RABGAP1: variants seen among roughly 807,000 people sequenced by gnomAD.
The protein encoded by RABGAP1 is RAB GTPase activating protein 1.
In RABGAP1, 23 loss-of-function variants were observed where a neutral mutation model predicts 137.6. The observed-to-expected ratio is 0.17, with a 90% confidence interval of 0.12 to 0.24. RABGAP1 has a LOEUF of 0.24. Among genes scored for constraint, RABGAP1 ranks in the 10% least tolerant of loss-of-function variants. The probability of loss-of-function intolerance (pLI) is 1.00; values close to 1 mark genes in which losing one functional copy is unlikely to be tolerated. For synonymous variants in RABGAP1, 451 were observed against 450.7 expected (o/e 1.00, Z -0.01); for missense variants, 906 against 1,275.8 (o/e 0.71, Z 4.42).
intron 10 of RABGAP1, among the ~76,000 whole-genome samples, chr9:122,999,471 G>A (rs1406499734): frequency 1.3e-5 from 2 of 151,918 alleles, no homozygotes; most frequent in Non-Finnish European, 2.9e-5. Flanking sequence ...GATTACAGAC[G>A]TGAGCCACCT....
chr9:122,992,583 T>G (rs1362054685), intron 6 of RABGAP1, among the ~76,000 whole-genome samples: 1 of 151,766 alleles, frequency 6.6e-6, no homozygotes. Context: ...GTTCTCCTTT[T>G]GCTACATGGC....
At chr9:123,042,722 C>G (rs149150536) in intron 13 of RABGAP1, among the ~76,000 whole-genome samples, 2 of 152,056 alleles carry the variant, frequency 1.3e-5, no homozygotes, top group Non-Finnish European at 2.9e-5. Flanking sequence ...AGCTGACTAA[C>G]AGAATCTTCA....
At position 123,046,674 on chromosome 9, in the gene RABGAP1, G is replaced by A. The variant is rs566768385; in HGVS notation, c.1795-18674G>A. On this transcript the variant is annotated intron_variant, in intron 13 of 25. Coordinates refer to ENST00000373647, the MANE Select transcript of RABGAP1 (RefSeq NM_012197.4). ...AGTAAGCACTCAGTACATGTTAGCTGGTACAGCTGTCTTGTGAATAGGGTA... is the reference window on the plus strand; with the variant it reads ...AGTAAGCACTCAGTACATGTTAGCTAGTACAGCTGTCTTGTGAATAGGGTA... Among the ~76,000 whole-genome samples, 5 of 152,330 alleles carry A rather than the reference G, an allele frequency of 3.3e-5. No homozygotes were observed. The South Asian group carries it at 1.0e-3, about 32-fold the overall frequency.
At chr9:123,062,771 C>T (rs1460581346) in intron 13 of RABGAP1, 1 of 151,930 alleles carries the variant, frequency 6.6e-6, no homozygotes, top group Admixed American at 6.6e-5. Flanking sequence ...AGTTGAATTT[C>T]TAAATCTCGT....
chr9:122,974,584 G>A (rs143376010), intron 2 of RABGAP1, among the ~76,000 whole-genome samples: 2 of 152,038 alleles, frequency 1.3e-5, no homozygotes, highest in African/African-American at 4.8e-5. Flanking sequence ...CTGAGCCCAG[G>A]AGTTCTAGAC....
Position 123,020,320 on chromosome 9 carries a change from T to C in RABGAP1, c.1655T>C (p.Leu552Ser). The C allele has an allele frequency of 6.4e-7, 1 of 1,571,314 alleles. No homozygotes were observed. Among genetic ancestry groups the C allele is most frequent in the Non-Finnish European group, 8.7e-7 (1 of 1,155,798 alleles). The change falls in exon 13 of 26, where the codon TTG becomes TCG. Residue 552 changes from leucine to serine, a missense_variant. Physicochemically the swap from Leu to Ser is moderately radical, Grantham distance 145. Around this residue, in one of 9 missense-constraint regions of RABGAP1, gnomAD observed 212 missense variants for 289.4 expected, o/e 0.73. Transcript: ENST00000373647. The stretch of plus-strand genomic sequence containing the variant: ...GGCCTTATTTTTAGGCATCTCAACT[T>C]GAATGTGAGACCGAAGCAGTTGTCA... ...GELLSKWHLN[L>S]NVRPKQLSSL...
chr9:123,006,783 A>G (rs2030315675), intron 10 of RABGAP1, among the ~76,000 whole-genome samples: 1 of 151,846 alleles, frequency 6.6e-6, no homozygotes, highest in Non-Finnish European at 1.5e-5. Context: ...AATTTTTTGC[A>G]TTTTAAATAG....
chr9:122,956,938 T>G (rs960237007), intron 1 of RABGAP1, 73 bp from the exon 2 acceptor site: 4 of 766,382 alleles, frequency 5.2e-6, no homozygotes, highest in Non-Finnish European at 7.2e-6. Flanking sequence ...GAATATGTTG[T>G]GTAAGAAGTA....
chr9:123,024,027 T>A (rs2031809613), intron 13 of RABGAP1, among the ~76,000 whole-genome samples: 1 of 152,212 alleles, frequency 6.6e-6, no homozygotes, highest in African/African-American at 2.4e-5. Flanking sequence ...GCCTGTCTTG[T>A]ATGGGGTACA....
At chr9:123,026,461 A>C (rs928659198) in intron 13 of RABGAP1, among the ~76,000 whole-genome samples, 1 of 152,220 alleles carries the variant, frequency 6.6e-6, no homozygotes, top group Non-Finnish European at 1.5e-5. Flanking sequence ...TAAGTTACAT[A>C]ATCTATCAAC....
At chr9:123,069,690 G>A (rs868292611) in intron 14 of RABGAP1, among the ~76,000 whole-genome samples, 1 of 152,118 alleles carries the variant, frequency 6.6e-6, no homozygotes, top group Non-Finnish European at 1.5e-5. Flanking sequence ...AGACCAGCCT[G>A]GGCAACGTAG....
At chr9:123,005,049 T>TC (rs2030094342) in intron 10 of RABGAP1, among the ~76,000 whole-genome samples, 1 of 62,768 alleles carries the variant, frequency 1.6e-5, no homozygotes, top group Non-Finnish European at 2.8e-5. Flanking sequence ...AGAGTGAAAC[T>TC]CCATCTCAAA....
chr9:122,983,930 G>A (rs1836226785), intron 2 of RABGAP1, among the ~76,000 whole-genome samples: 1 of 152,140 alleles, frequency 6.6e-6, no homozygotes, highest in Non-Finnish European at 1.5e-5. Flanking sequence ...GTACATTCAT[G>A]TCAGCTTTAC....
intron 2 of RABGAP1, among the ~76,000 whole-genome samples, chr9:122,965,079 C>G (rs928351836): frequency 1.3e-5 from 2 of 151,958 alleles, no homozygotes; most frequent in Non-Finnish European, 2.9e-5. Flanking sequence ...GATAGTAGTT[C>G]TAGGAAGTAT....
At chr9:123,075,314 A>T (rs963469096) in intron 17 of RABGAP1, among the ~76,000 whole-genome samples, 1 of 152,088 alleles carries the variant, frequency 6.6e-6, no homozygotes, top group African/African-American at 2.4e-5. Flanking sequence ...TGGTTCTCCT[A>T]TGTGTATATT....
chr9:123,018,066 T>A (rs1458207374), intron 12 of RABGAP1, among the ~76,000 whole-genome samples: 2 of 152,206 alleles, frequency 1.3e-5, no homozygotes. Context: ...CGATCTCGGC[T>A]CACTGCAGGC....
At chr9:123,078,458 G>A (rs905818073) in intron 19 of RABGAP1, among the ~76,000 whole-genome samples, 1 of 152,054 alleles carries the variant, frequency 6.6e-6, no homozygotes, top group African/African-American at 2.4e-5. Flanking sequence ...GTTAGTAAGG[G>A]TCCAAGAAAT....
intron 2 of RABGAP1, 70 bp downstream of exon 2, chr9:122,957,279 G>GA: frequency 8.0e-7 from 1 of 1,244,586 alleles, no homozygotes; most frequent in Non-Finnish European, 1.1e-6. Context: ...GGCCTTAACA[G>GA]AAAACAGATA....
chr9:122,955,339 C>G (rs1834455422), intron 1 of RABGAP1, among the ~76,000 whole-genome samples: 1 of 152,146 alleles, frequency 6.6e-6, no homozygotes, highest in Admixed American at 6.5e-5. Context: ...TTTATCATAG[C>G]TTACTCTTTG....
Sources: allele counts gnomAD v4.1 joint callset (sites outside exome capture counted in the v4.1 genomes callset), GRCh38; gene constraint gnomAD v4.1.1; regional missense constraint gnomAD v4.1.1; transcripts MANE v1.5; gene names NCBI Gene and HGNC (gene_info 2026-07-23, HGNC 2026-07-21).